NMNAT1: variants seen among roughly 807,000 people sequenced by gnomAD.
NMNAT1 encodes nicotinamide/nicotinic acid mononucleotide adenylyltransferase 1.
Under a neutral mutation model 16.7 loss-of-function variants are expected in NMNAT1, and 11 were observed. That is an observed-to-expected ratio of 0.66 (90% CI 0.41 to 1.09). The LOEUF (loss-of-function observed/expected upper bound fraction) is 1.09, where lower values mean the gene tolerates loss of function less well. NMNAT1 is among the 50% of genes least tolerant of loss of function. The pLI, the probability that NMNAT1 is intolerant of heterozygous loss-of-function variation, is 0.00. For synonymous variants in NMNAT1, 110 were observed against 119.8 expected, an observed-to-expected ratio of 0.92 and a Z score of 0.53; for missense variants, 280 against 332.3, an observed-to-expected ratio of 0.84 and a Z score of 1.22.
intron 1 of NMNAT1, among the ~76,000 whole-genome samples, chr1:9,971,276 T>C (rs1014056816): frequency 3.3e-5 from 5 of 152,178 alleles, no homozygotes; most frequent in African/African-American, 1.2e-4. Context: ...GGGATGGAGA[T>C]GTGGAAACAT....
At chr1:9,981,634 G>GTCCTCC in intron 4 of NMNAT1, 1 of 157,154 alleles carries the variant, frequency 6.4e-6, no homozygotes, top group East Asian at 1.9e-4. Context: ...GCCTCCCAAA[G>GTCCTCC]TGTTAGGATT....
chr1:9,949,979 T>A (rs1393647962), intron 1 of NMNAT1: 1 of 152,218 alleles, frequency 6.6e-6, no homozygotes, highest in East Asian at 1.9e-4. Context: ...AAGTATTTGA[T>A]AGGAGATCTT....
rs116340872 is a variant in NMNAT1 at position 9,981,195 on chromosome 1, C to T, written c.439+25C>T. On this transcript the variant is annotated intron_variant, in intron 4 of 4. Coordinates refer to ENST00000377205, the MANE Select transcript of NMNAT1 (RefSeq NM_022787.4). ...GGTTTGTATGTTTTAGCAGGACCCA[C>T]GGACTAGAGTTGATAAGATTCTGTA... 1.2e-3 allele frequency: 1,982 copies of T among 1,596,566 alleles called. 18 individuals are homozygous for T. In the African/African-American group the frequency reaches 0.021, roughly 17 times the overall value.
intron 1 of NMNAT1, among the ~76,000 whole-genome samples, chr1:9,954,006 A>G (rs916850843): frequency 6.7e-5 from 10 of 149,980 alleles, no homozygotes; most frequent in Admixed American, 5.3e-4. Context: ...GGGTTTTGCC[A>G]TGTTGGCCAG....
At chr1:9,978,333 G>T (rs950035844) in intron 3 of NMNAT1, among the ~76,000 whole-genome samples, 1 of 152,222 alleles carries the variant, frequency 6.6e-6, no homozygotes. Flanking sequence ...TCCAGCCTGG[G>T]TGACAGAGTG....
intron 3 of NMNAT1, among the ~76,000 whole-genome samples, chr1:9,977,883 G>C (rs1441335753): frequency 1.3e-5 from 2 of 151,772 alleles, no homozygotes; most frequent in Non-Finnish European, 2.9e-5. Context: ...AAAAGTAAAA[G>C]GGCTGGAGAA....
chr1:9,968,080 G>GTTTTTTGTTTTT (rs1553126647), intron 1 of NMNAT1, among the ~76,000 whole-genome samples: 1 of 117,774 alleles, frequency 8.5e-6, no homozygotes, highest in African/African-American at 2.9e-5. Flanking sequence ...TTTTTTTTTT[G>GTTTTTTGTTTTT]TTTTTTTTTG....
intron 1 of NMNAT1, chr1:9,967,316 C>G (rs565271303): frequency 1.3e-5 from 2 of 154,010 alleles, no homozygotes; most frequent in South Asian, 4.1e-4. Context: ...ATAACAACAT[C>G]GTCGAACTTA....
chr1:9,963,857 G>T (rs1641482872), intron 1 of NMNAT1, among the ~76,000 whole-genome samples: 1 of 152,070 alleles, frequency 6.6e-6, no homozygotes, highest in African/African-American at 2.4e-5. Context: ...TTTTTTTGCA[G>T]TGAGAATCAA....
intron 1 of NMNAT1, among the ~76,000 whole-genome samples, chr1:9,946,910 T>C (rs972796928): frequency 2.0e-5 from 3 of 152,180 alleles, no homozygotes; most frequent in Non-Finnish European, 2.9e-5. Context: ...CTTGGGCTTC[T>C]AGTCTCCAGA....
intron 2 of NMNAT1, 84 bp from the exon 3 acceptor site, chr1:9,975,508 A>G (rs1641785607): frequency 1.7e-6 from 2 of 1,183,076 alleles, no homozygotes; most frequent in Non-Finnish European, 2.4e-6. Flanking sequence ...AAAACAAAAC[A>G]AAACAAATAA....
intron 1 of NMNAT1, among the ~76,000 whole-genome samples, chr1:9,958,695 C>G (rs1641329105): frequency 1.3e-5 from 2 of 152,110 alleles, no homozygotes; most frequent in African/African-American, 4.8e-5. Context: ...ACCTCTGTCT[C>G]CCAAAGTACT....
At position 9,985,464 on chromosome 1, in the gene NMNAT1, AC is replaced by A. The variant is rs1642033352; in HGVS notation, c.*2766del. ...AGCCAAATCTTGAAATTTTTCATTTACCCTAAGTGAGGACAAATAAAGCTTT... is the reference window on the plus strand; with the variant it reads ...AGCCAAATCTTGAAATTTTTCATTTACCTAAGTGAGGACAAATAAAGCTTT... On this transcript the variant is annotated 3_prime_UTR_variant, in exon 5 of 5. Coordinates refer to ENST00000377205, the MANE Select transcript of NMNAT1 (RefSeq NM_022787.4). 6.6e-6 allele frequency: 1 copy of A among 152,088 alleles called. No homozygotes were observed. The highest frequency in any genetic ancestry group is 2.4e-5 in the African/African-American group (1 of 41,408). 9.4% of individuals were successfully genotyped at this position (152,088 alleles called of 1,614,324 possible). A position where few individuals can be genotyped will look rare whatever the true frequency, so the allele number is the denominator to read the frequency against.
chr1:9,968,426 C>T (rs984103865), intron 1 of NMNAT1, among the ~76,000 whole-genome samples: 20 of 150,884 alleles, frequency 1.3e-4, no homozygotes, highest in Non-Finnish European at 2.8e-4. Flanking sequence ...ATCCTCACAA[C>T]AATCAGGAGG....
intron 1 of NMNAT1, among the ~76,000 whole-genome samples, chr1:9,953,684 A>G (rs1230353005): frequency 6.6e-6 from 1 of 150,524 alleles, no homozygotes; most frequent in Non-Finnish European, 1.5e-5. Flanking sequence ...CAGGTGATCC[A>G]TCTGTCTTGG....
intron 1 of NMNAT1, among the ~76,000 whole-genome samples, chr1:9,956,977 G>A (rs1051426952): frequency 6.6e-5 from 10 of 150,994 alleles, no homozygotes; most frequent in Middle Eastern, 3.4e-3. Flanking sequence ...TGATCCACCC[G>A]CCTCGGCCTC....
intron 1 of NMNAT1, among the ~76,000 whole-genome samples, chr1:9,945,268 A>C (rs779350729): frequency 3.3e-5 from 5 of 152,012 alleles, no homozygotes; most frequent in African/African-American, 4.8e-5. Flanking sequence ...AGAAGAAAAA[A>C]ATAAAAGTAC....
intron 1 of NMNAT1, among the ~76,000 whole-genome samples, chr1:9,965,522 G>A (rs1429199320): frequency 1.3e-5 from 2 of 151,496 alleles, no homozygotes; most frequent in African/African-American, 4.8e-5. Flanking sequence ...TCCTGCCTCA[G>A]CCTCCCAAGT....
chr1:9,956,775 A>C (rs1198863615), intron 1 of NMNAT1, among the ~76,000 whole-genome samples: 2 of 129,802 alleles, frequency 1.5e-5, no homozygotes, highest in African/African-American at 6.0e-5. Context: ...TCTGTCACCC[A>C]GGCTGGAATG....
Sources: allele counts gnomAD v4.1 joint callset (sites outside exome capture counted in the v4.1 genomes callset), GRCh38; gene constraint gnomAD v4.1.1; transcripts MANE v1.5; gene names NCBI Gene and HGNC (gene_info 2026-07-23, HGNC 2026-07-21).